ASMTL: variants seen among roughly 807,000 people sequenced by gnomAD.
ASMTL encodes the protein probable bifunctional dTTP/UTP pyrophosphatase/methyltransferase protein.
A neutral mutation model predicts 60.3 loss-of-function variants in ASMTL; 57 were observed. The ratio of observed to expected loss-of-function variants is 0.95; its 90% confidence interval spans 0.76 to 1.18. The LOEUF is 1.18. ASMTL is among the 50% of genes most tolerant of loss of function. The pLI is 0.00. For missense variants in ASMTL, 981 were observed against 852.6 expected (o/e 1.15, Z -1.88); for synonymous variants, 419 against 373.0 (o/e 1.12, Z -1.42).
chrX:1,421,896 C>T, intron 8 of ASMTL, 54 bp from the exon 9 acceptor site: 7 of 1,536,492 alleles, frequency 4.6e-6, no homozygotes, highest in Non-Finnish European at 6.3e-6. Flanking sequence ...CCAAGGAAAC[C>T]TGACCGTAGG....
chrX:1,418,190 G>A lies in ASMTL; in HGVS notation c.1379-74C>T. ...CTGACGACTCTCCAAAGCTCAACTGGGGCAGAAGTAATGTTCAAGGGCATG... is the reference window on the plus strand; with the variant it reads ...CTGACGACTCTCCAAAGCTCAACTGAGGCAGAAGTAATGTTCAAGGGCATG... On this transcript the variant is annotated intron_variant, in intron 10 of 12. Coordinates refer to ENST00000381317, the MANE Select transcript of ASMTL (RefSeq NM_004192.4). The A allele has an allele frequency of 7.4e-6, 11 of 1,486,538 alleles. No homozygotes were observed. The South Asian group carries it at 7.8e-5, about 11-fold the overall frequency. 92.1% of individuals were successfully genotyped at this position (1,486,538 alleles called of 1,614,324 possible).
chrX:1,451,970 T>A (rs1178534325), intron 1 of ASMTL, among the ~76,000 whole-genome samples: 1 of 139,560 alleles, frequency 7.2e-6, no homozygotes, highest in Non-Finnish European at 1.5e-5. Context: ...CGTCCTGGGT[T>A]ACTCTCCCCA....
In ASMTL at chrX:1,418,025, G is replaced by A. The variant is rs749082277; in HGVS notation, c.1470C>T (p.Ala490=). The A allele has an allele frequency of 8.4e-5, 136 of 1,613,418 alleles. No homozygotes were observed. Among genetic ancestry groups the A allele is most frequent in the Non-Finnish European group, 1.1e-4 (132 of 1,179,650 alleles). Residue 490 remains alanine, a synonymous_variant, in exon 11 of 13, where the codon GCC becomes GCT. Coordinates refer to ENST00000381317, the MANE Select transcript of ASMTL (RefSeq NM_004192.4). ...GCGGTCCGGGGGGTTGGAAGTGGGC[G>A]GCCAGCTCGATAATGTCTGGGAGGT... ...VFDLPDIIEL[A]AHFQPPGPQA...
Position 1,403,346 on chromosome X carries a change from G to A in ASMTL, c.1789C>T (p.His597Tyr), listed in dbSNP as rs746867040. 100 of 1,613,394 alleles carry A rather than the reference G, an allele frequency of 6.2e-5. 1 individual carries two copies. Among genetic ancestry groups the A allele is most frequent in the Admixed American group, 3.0e-4 (18 of 60,002 alleles). ...LGEYQCLLEL[H>Y]GFHQVQVVHL... ...ACCACCTGCACCTGGTGGAAGCCGTGCAGCTCCAGCAAGCACTGATACTCG... is the reference window on the plus strand; with the variant it reads ...ACCACCTGCACCTGGTGGAAGCCGTACAGCTCCAGCAAGCACTGATACTCG... Residue 597 changes from histidine (H) to tyrosine (Y), a missense_variant, in exon 13 of 13, where the codon CAC becomes TAC. By Grantham distance (83) the His-to-Tyr change is moderately conservative. Transcript: ENST00000381317.
intron 1 of ASMTL, among the ~76,000 whole-genome samples, chrX:1,444,037 T>C (rs1357256924): frequency 3.3e-5 from 5 of 152,212 alleles, no homozygotes; most frequent in African/African-American, 1.2e-4. Context: ...TAATGGCTAA[T>C]GTCAGCATGA....
In ASMTL at chrX:1,405,716, T is replaced by C. The variant is rs1247843718; in HGVS notation, c.1646-2227A>G. 5.3e-5 allele frequency among the ~76,000 whole-genome samples: 6 copies of C among 113,166 alleles called. No individual in the cohort carries two copies. The East Asian group carries it at 1.6e-3, about 30-fold the overall frequency. The allele number at this position is 113,166 out of a possible 152,430, so 74.2% of individuals were successfully genotyped here. ...AGGTAGATAGATGAATGGATGGATA[T>C]ATGGATGTATGGATGAGATGGATGG... On this transcript the variant is annotated intron_variant, in intron 12 of 12. Transcript: ENST00000381317.
chrX:1,408,014 A>T (rs1228818697), intron 12 of ASMTL, among the ~76,000 whole-genome samples: 7 of 144,116 alleles, frequency 4.9e-5, no homozygotes, highest in Admixed American at 1.4e-4. Context: ...AGCCTGGGCA[A>T]CATCGCAAGA....
At chrX:1,417,358 A>C (rs28972782) in intron 11 of ASMTL, among the ~76,000 whole-genome samples, 140,850 of 151,090 alleles carry the variant, frequency 0.93, 66,231 homozygotes, top group East Asian at 1. Context: ...CACACACATC[A>C]CCTCACAGAA....
At chrX:1,440,383 C>T (rs1409616105) in intron 2 of ASMTL, among the ~76,000 whole-genome samples, 15 of 151,784 alleles carry the variant, frequency 9.9e-5, no homozygotes, top group Non-Finnish European at 2.1e-4. Context: ...AGCCACTGCA[C>T]CCGGCCCCGA....
intron 5 of ASMTL, among the ~76,000 whole-genome samples, chrX:1,434,035 C>T (rs748563704): frequency 1.2e-4 from 19 of 152,208 alleles, no homozygotes; most frequent in Non-Finnish European, 2.5e-4. Flanking sequence ...CCCATGGGAC[C>T]CGGCCCTTCA....
intron 11 of ASMTL, among the ~76,000 whole-genome samples, chrX:1,413,531 C>T (rs1486129679): frequency 1.3e-5 from 2 of 152,140 alleles, no homozygotes; most frequent in Admixed American, 6.5e-5. Flanking sequence ...TTGCGGGGGG[C>T]GCATGTAGCT....
chrX:1,432,948 A>G (rs1466058528), intron 5 of ASMTL, among the ~76,000 whole-genome samples: 3 of 152,276 alleles, frequency 2.0e-5, no homozygotes, highest in Admixed American at 6.5e-5. Context: ...AAATACAAAA[A>G]TTAGCCGGGC....
At chrX:1,434,665 A>G (rs1395841605) in intron 5 of ASMTL, among the ~76,000 whole-genome samples, 1 of 151,064 alleles carries the variant, frequency 6.6e-6, no homozygotes, top group Non-Finnish European at 1.5e-5. Context: ...TTAGCCGGGC[A>G]TGGTGGTGGG....
intron 8 of ASMTL, among the ~76,000 whole-genome samples, chrX:1,422,500 A>G (rs2090508447): frequency 6.6e-6 from 1 of 152,122 alleles, no homozygotes; most frequent in Non-Finnish European, 1.5e-5. Context: ...CAAATGATAC[A>G]GGGAACTTCA....
chrX:1,442,113 T>C, intron 2 of ASMTL, 73 bp downstream of exon 2: 1 of 1,552,060 alleles, frequency 6.4e-7, no homozygotes. Context: ...GTGTCATGTA[T>C]ATTTACCACC....
intron 2 of ASMTL, chrX:1,441,747 T>C (rs149471264): frequency 0.039 from 6,155 of 159,752 alleles, 255 homozygotes; most frequent in African/African-American, 0.11. Flanking sequence ...TTATAACACA[T>C]AGTAATAGAT....
In ASMTL at chrX:1,419,110, G is replaced by C. The variant is rs202198651; in HGVS notation, c.1250C>G (p.Ala417Gly). ...GKKAEDLFQDAYYQSPETRLR... is the reference protein window; with the variant it reads ...GKKAEDLFQDGYYQSPETRLR... ...CCGCGTCTCCGGGCTCTGGTAGTAC[G>C]CATCCTGGAACACAGCAGGTGCTTA... Residue 417 changes from alanine to glycine, a missense_variant, in exon 10 of 13, where the codon GCG becomes GGG. Ala to Gly is a moderately conservative substitution (Grantham distance 60, BLOSUM62 0). Transcript: ENST00000381317. 4 of 1,610,930 alleles carry C rather than the reference G, an allele frequency of 2.5e-6. No individual in the cohort carries two copies. The highest frequency in any genetic ancestry group is 1.1e-5 in the South Asian group (1 of 90,740).
chrX:1,420,984 G>A (rs2090470692), intron 9 of ASMTL, among the ~76,000 whole-genome samples: 1 of 146,722 alleles, frequency 6.8e-6, no homozygotes, highest in Non-Finnish European at 1.5e-5. Flanking sequence ...TTTTGAGATG[G>A]AGTTTCGCTC....
intron 12 of ASMTL, among the ~76,000 whole-genome samples, chrX:1,410,474 G>A (rs766832750): frequency 3.7e-4 from 57 of 152,058 alleles, no homozygotes; most frequent in African/African-American, 1.2e-3. Context: ...GAGTGCAGTG[G>A]CGCGATCTCT....
Sources: gnomAD v4.1 joint callset for allele counts (sites outside exome capture counted in the v4.1 genomes callset) on GRCh38, gnomAD v4.1.1 for gene constraint, MANE v1.5 for transcripts, NCBI Gene and HGNC (gene_info 2026-07-23, HGNC 2026-07-21) for gene names.